SCP2: variants seen among roughly 807,000 people sequenced by gnomAD.
SCP2 encodes the protein SCP-2/3-oxoacyl-CoA thiolase.
In SCP2, 48 loss-of-function variants were observed where a neutral mutation model predicts 71.4. The observed-to-expected ratio is 0.67, with a 90% confidence interval of 0.53 to 0.86. The LOEUF is 0.86. Ranked by LOEUF, SCP2 falls within the 40% of genes least tolerant of loss-of-function variation. SCP2 has a pLI of 0.00. For synonymous variants in SCP2, 220 were observed against 218.1 expected (o/e 1.01, Z -0.08); for missense variants, 560 against 655.6 (o/e 0.85, Z 1.59).
chr1:53,002,146 C>T (rs1481360407), intron 11 of SCP2, among the ~76,000 whole-genome samples: 1 of 148,410 alleles, frequency 6.7e-6, no homozygotes, highest in Non-Finnish European at 1.5e-5. Context: ...GAGATCACGC[C>T]ACTGCACTCC....
At chr1:52,960,376 G>T (rs1656232169) in intron 5 of SCP2, among the ~76,000 whole-genome samples, 1 of 151,374 alleles carries the variant, frequency 6.6e-6, no homozygotes, top group African/African-American at 2.4e-5. Flanking sequence ...TTGCTATGTT[G>T]CCCATGCTGG....
chr1:53,048,589 AG>A (rs1343738380), intron 15 of SCP2: 1 of 158,670 alleles, frequency 6.3e-6, no homozygotes, highest in African/African-American at 2.4e-5. Flanking sequence ...CTTCCCTGTT[AG>A]GCTGTGAGTG....
intron 15 of SCP2, chr1:53,048,814 C>T (rs978084586): frequency 1.3e-5 from 2 of 152,154 alleles, no homozygotes; most frequent in African/African-American, 2.4e-5. Flanking sequence ...ATATAGTGAG[C>T]TTTCTGTCAA....
rs987438106 is a variant in SCP2 at position 52,927,323 on chromosome 1, C to T, written c.-74C>T. 19 of 1,322,712 alleles carry T rather than the reference C, an allele frequency of 1.4e-5. No individual in the cohort carries two copies. Among genetic ancestry groups the T allele is most frequent in the African/African-American group, 2.9e-5 (2 of 68,734 alleles). The allele number at this position is 1,322,712 out of a possible 1,614,324, so 81.9% of individuals were successfully genotyped here. A position where few individuals can be genotyped will look rare whatever the true frequency, so the allele number is the denominator to read the frequency against. ...GGCCCTGGCTTCGGGCTTCAGGGAG[C>T]TCTGGTGCAGTCTCCGCCTGTCAGT... is the stretch of plus-strand genomic sequence containing the variant. On this transcript the variant is annotated 5_prime_UTR_variant, in exon 1 of 16. Coordinates refer to ENST00000371514, the MANE Select transcript of SCP2 (RefSeq NM_002979.5).
chr1:52,982,180 G>T (rs1366154966), intron 10 of SCP2, among the ~76,000 whole-genome samples: 1 of 151,982 alleles, frequency 6.6e-6, no homozygotes, highest in African/African-American at 2.4e-5. Context: ...CAATATCCCT[G>T]CCTCTTACCT....
At chr1:52,958,338 C>T (rs1231013805) in intron 5 of SCP2, among the ~76,000 whole-genome samples, 2 of 151,444 alleles carry the variant, frequency 1.3e-5, no homozygotes, top group African/African-American at 4.9e-5. Context: ...TCAAGCGATT[C>T]TCCTGCTTCA....
intron 4 of SCP2, among the ~76,000 whole-genome samples, chr1:52,951,361 G>A (rs935827271): frequency 6.6e-6 from 1 of 151,746 alleles, no homozygotes; most frequent in Non-Finnish European, 1.5e-5. Flanking sequence ...AACACTCTGG[G>A]GGACCAAGGC....
chr1:53,000,736 C>A (rs1386432881), intron 11 of SCP2, among the ~76,000 whole-genome samples: 1 of 152,042 alleles, frequency 6.6e-6, no homozygotes, highest in Non-Finnish European at 1.5e-5. Context: ...GCGGGCAGAT[C>A]GCTTGAGCTC....
chr1:52,952,112 C>CATTAG (rs1655371033), intron 4 of SCP2, among the ~76,000 whole-genome samples: 1 of 152,050 alleles, frequency 6.6e-6, no homozygotes, highest in African/African-American at 2.4e-5. Flanking sequence ...AACCCTGTAC[C>CATTAG]CATTAGCATT....
chr1:53,034,378 T>C (rs1662772846), intron 13 of SCP2, among the ~76,000 whole-genome samples: 1 of 152,100 alleles, frequency 6.6e-6, no homozygotes, highest in African/African-American at 2.4e-5. Context: ...TATGATTTCA[T>C]TTATATGAAA....
intron 6 of SCP2, among the ~76,000 whole-genome samples, chr1:52,971,456 G>A (rs1172895953): frequency 6.6e-6 from 1 of 152,184 alleles, no homozygotes; most frequent in Non-Finnish European, 1.5e-5. Context: ...TCATTGTAGG[G>A]AACAAGGGCC....
At position 53,050,720 on chromosome 1, in the gene SCP2, T is replaced by A. The variant is rs1182433868; in HGVS notation, c.*16T>A. On this transcript the variant is annotated 3_prime_UTR_variant, in exon 16 of 16. Coordinates refer to ENST00000371514, the MANE Select transcript of SCP2 (RefSeq NM_002979.5). ...TAAGCTCTGAAGAACTCCCTTTGGC[T>A]ACTTTTGAAAATCAAGATGAGATAT... The A allele has an allele frequency of 6.4e-7, 1 of 1,556,288 alleles. No homozygotes were observed. The highest frequency in any genetic ancestry group is 1.7e-5 in the Admixed American group (1 of 59,948).
In SCP2 at chr1:53,047,918, G is replaced by T. The variant is rs1663939627; in HGVS notation, c.1529G>T (p.Gly510Val). Reference sequence around the variant, plus strand: ...TCAGACTTCCTGGCTTTAATGACTGGTAAAATGAATCCTCAGTCGGTAAGT... The same window carrying T: ...TCAGACTTCCTGGCTTTAATGACTGTTAAAATGAATCCTCAGTCGGTAAGT... ...ADSDFLALMT[G>V]KMNPQSAFFQ... The change falls in exon 15 of 16, where the codon GGT becomes GTT. Residue 510 changes from glycine to valine, a missense_variant. Around this residue, in one of 3 missense-constraint regions of SCP2, gnomAD observed 43 missense variants for 65.9 expected, o/e 0.65. Coordinates refer to ENST00000371514, the MANE Select transcript of SCP2 (RefSeq NM_002979.5). 1 of 1,612,366 alleles carries T rather than the reference G, an allele frequency of 6.2e-7. No homozygotes were observed. The highest frequency in any genetic ancestry group is 1.7e-5 in the Admixed American group (1 of 59,978).
rs1442916588 is a variant in SCP2, at chr1:53,051,280, C to T, written c.*576C>T. On this transcript the variant is annotated 3_prime_UTR_variant, in exon 16 of 16. Transcript: ENST00000371514. ...AAAAGAAATATGATCAGAGCTTGAA[C>T]ACAGGCTTATTTTTAAAATAAAAAT... The T allele has an allele frequency of 6.6e-6, 1 of 152,166 alleles. No homozygotes were observed. The highest frequency in any genetic ancestry group is 2.4e-5 in the African/African-American group (1 of 41,448). The allele number at this position is 152,166 out of a possible 1,614,324, so 9.4% of individuals were successfully genotyped here. A position where few individuals can be genotyped will look rare whatever the true frequency, so the allele number is the denominator to read the frequency against.
chr1:52,992,047 A>G (rs1659551740), intron 11 of SCP2, among the ~76,000 whole-genome samples: 1 of 152,214 alleles, frequency 6.6e-6, no homozygotes, highest in Non-Finnish European at 1.5e-5. Context: ...CTAGCAGGGA[A>G]TACTGAAAGT....
chr1:53,033,419 A>G (rs1268141773), intron 13 of SCP2, among the ~76,000 whole-genome samples: 1 of 152,046 alleles, frequency 6.6e-6, no homozygotes, highest in East Asian at 1.9e-4. Context: ...CCTGGCCAAC[A>G]TGGTGAAACC....
intron 11 of SCP2, among the ~76,000 whole-genome samples, chr1:53,000,739 T>C (rs1660261686): frequency 6.6e-6 from 1 of 152,152 alleles, no homozygotes; most frequent in African/African-American, 2.4e-5. Context: ...GGCAGATCGC[T>C]TGAGCTCAGG....
At chr1:52,975,823 G>A (rs551264646) in intron 7 of SCP2, among the ~76,000 whole-genome samples, 8 of 152,220 alleles carry the variant, frequency 5.3e-5, no homozygotes, top group South Asian at 2.1e-4. Flanking sequence ...GGCATGAAGC[G>A]CCTAGGAGTT....
intron 13 of SCP2, among the ~76,000 whole-genome samples, chr1:53,029,790 C>G (rs2150248163): frequency 6.6e-6 from 1 of 152,334 alleles, no homozygotes; most frequent in South Asian, 2.1e-4. Flanking sequence ...CAGACCTGTC[C>G]TGCAACCATC....
Sources: allele counts gnomAD v4.1 joint callset (sites outside exome capture counted in the v4.1 genomes callset), GRCh38; gene constraint gnomAD v4.1.1; regional missense constraint gnomAD v4.1.1; transcripts MANE v1.5; gene names NCBI Gene and HGNC (gene_info 2026-07-23, HGNC 2026-07-21).